Variants in MAML3 observed in about 807,000 individuals in gnomAD.
MAML3 encodes mastermind like transcriptional coactivator 3.
A neutral mutation model predicts 101.9 loss-of-function variants in MAML3; 27 were observed. The ratio of observed to expected loss-of-function variants is 0.27; its 90% confidence interval spans 0.20 to 0.37. MAML3 has a LOEUF of 0.37. Ranked by LOEUF, MAML3 falls within the 10% of genes least tolerant of loss-of-function variation. MAML3 has a pLI of 1.00. For synonymous variants in MAML3, 501 were observed against 555.9 expected (o/e 0.90, Z 1.39); for missense variants, 1,316 against 1,444.9 (o/e 0.91, Z 1.45).
At chr4:139,854,075 G>A (rs188937953) in intron 2 of MAML3, among the ~76,000 whole-genome samples, 9 of 151,862 alleles carry the variant, frequency 5.9e-5, no homozygotes, top group Admixed American at 2.6e-4. Context: ...CGCCCGCCTC[G>A]TCCTCTCAAA....
intron 1 of MAML3, among the ~76,000 whole-genome samples, chr4:140,066,046 C>A (rs1727532000): frequency 6.6e-6 from 1 of 152,180 alleles, no homozygotes; most frequent in South Asian, 2.1e-4. Flanking sequence ...GTGACTGACC[C>A]ACACACAATT....
chr4:139,855,091 T>A (rs1408620127), intron 2 of MAML3, among the ~76,000 whole-genome samples: 1 of 152,238 alleles, frequency 6.6e-6, no homozygotes, highest in Non-Finnish European at 1.5e-5. Context: ...TTCGGCTCCA[T>A]CTCTTACCAC....
chr4:140,116,603 A>G (rs1728522762), intron 1 of MAML3, among the ~76,000 whole-genome samples: 5 of 152,116 alleles, frequency 3.3e-5, no homozygotes, highest in Admixed American at 3.3e-4. Context: ...CTCTAACCCC[A>G]CTGCTTCAAA....
At chr4:139,895,805 G>A (rs1202232454) in intron 1 of MAML3, among the ~76,000 whole-genome samples, 1 of 152,200 alleles carries the variant, frequency 6.6e-6, no homozygotes, top group African/African-American at 2.4e-5. Flanking sequence ...AGGCTAGATC[G>A]TTGAGGTTCG....
intron 2 of MAML3, among the ~76,000 whole-genome samples, chr4:139,800,305 C>T (rs913097712): frequency 6.6e-6 from 1 of 152,096 alleles, no homozygotes; most frequent in African/African-American, 2.4e-5. Flanking sequence ...GTCCCGTCTT[C>T]CTTAAGAAGG....
chr4:140,019,627 C>T (rs1726701490), intron 1 of MAML3, among the ~76,000 whole-genome samples: 1 of 152,300 alleles, frequency 6.6e-6, no homozygotes, highest in Admixed American at 6.5e-5. Flanking sequence ...CTCAATCTTT[C>T]CACTGCTATA....
chr4:139,871,481 C>T (rs1387535514), intron 2 of MAML3, among the ~76,000 whole-genome samples: 1 of 152,150 alleles, frequency 6.6e-6, no homozygotes, highest in Non-Finnish European at 1.5e-5. Flanking sequence ...TTCTTTGGAC[C>T]TATTTCCAGG....
At chr4:139,813,686 A>G (rs574285376) in intron 2 of MAML3, among the ~76,000 whole-genome samples, 78 of 152,312 alleles carry the variant, frequency 5.1e-4, no homozygotes, top group African/African-American at 1.7e-3. Flanking sequence ...AAGCCAGAGA[A>G]GACTTGGAAT....
intron 1 of MAML3, among the ~76,000 whole-genome samples, chr4:140,067,511 G>C (rs891168966): frequency 9.9e-5 from 15 of 152,132 alleles, no homozygotes; most frequent in Admixed American, 9.8e-4. Context: ...CATAATTAAG[G>C]TGGGGAGGGG....
At chr4:140,129,897 A>G (rs565554704) in intron 1 of MAML3, among the ~76,000 whole-genome samples, 4 of 151,866 alleles carry the variant, frequency 2.6e-5, no homozygotes, top group Middle Eastern at 3.4e-3. Context: ...CCCAGGAGGC[A>G]GAGGTTTCAG....
intron 2 of MAML3, among the ~76,000 whole-genome samples, chr4:139,852,097 T>C (rs1731563978): frequency 6.6e-6 from 1 of 152,202 alleles, no homozygotes; most frequent in South Asian, 2.1e-4. Context: ...GATGTATAGA[T>C]TTACAAATTT....
intron 1 of MAML3, among the ~76,000 whole-genome samples, chr4:140,023,576 G>T (rs1726772225): frequency 6.6e-6 from 1 of 152,184 alleles, no homozygotes; most frequent in African/African-American, 2.4e-5. Context: ...GCAGAGAATT[G>T]TTAAAACAAG....
At chr4:140,076,228 C>T (rs949533498) in intron 1 of MAML3, among the ~76,000 whole-genome samples, 3 of 152,200 alleles carry the variant, frequency 2.0e-5, no homozygotes, top group Admixed American at 6.5e-5. Flanking sequence ...AATATTCCCT[C>T]TCTATCCCCC....
At chr4:139,936,738 T>C (rs1217429487) in intron 1 of MAML3, among the ~76,000 whole-genome samples, 1 of 152,132 alleles carries the variant, frequency 6.6e-6, no homozygotes, top group Non-Finnish European at 1.5e-5. Context: ...AAAAAATACC[T>C]GAGATATCTT....
At chr4:139,909,099 G>A (rs1215311602) in intron 1 of MAML3, among the ~76,000 whole-genome samples, 2 of 152,166 alleles carry the variant, frequency 1.3e-5, no homozygotes, top group African/African-American at 2.4e-5. Flanking sequence ...TCCTGCACTC[G>A]AACTGGAGTT....
intron 2 of MAML3, among the ~76,000 whole-genome samples, chr4:139,801,678 G>A (rs993438769): frequency 2.4e-5 from 2 of 84,256 alleles, no homozygotes; most frequent in East Asian, 3.7e-4. Context: ...GTGTGTGTGT[G>A]TGTCTGTGTG....
intron 1 of MAML3, among the ~76,000 whole-genome samples, chr4:140,126,186 A>G (rs6828990): frequency 0.024 from 3,633 of 151,498 alleles, 169 homozygotes; most frequent in African/African-American, 0.082. Flanking sequence ...AAAAAAAAAA[A>G]AAAAAAGGAA....
chr4:139,771,445 C>A (rs865932361), intron 2 of MAML3, among the ~76,000 whole-genome samples: 3 of 152,180 alleles, frequency 2.0e-5, no homozygotes, highest in African/African-American at 7.2e-5. Context: ...TCCCTGGAAG[C>A]GGGATAAGAT....
chr4:139,853,838 T>C (rs2111158322), intron 2 of MAML3, among the ~76,000 whole-genome samples: 1 of 152,116 alleles, frequency 6.6e-6, no homozygotes, highest in African/African-American at 2.4e-5. Flanking sequence ...TATTTTTTTT[T>C]TGAGATGGGG....
Sources: gnomAD v4.1 joint callset for allele counts (sites outside exome capture counted in the v4.1 genomes callset) on GRCh38, gnomAD v4.1.1 for gene constraint, MANE v1.5 for transcripts, NCBI Gene and HGNC (gene_info 2026-07-23, HGNC 2026-07-21) for gene names.